Variants in BCKDHB observed in about 807,000 individuals in gnomAD.
BCKDHB encodes branched chain keto acid dehydrogenase E1 subunit beta, also known as 2-oxoisovalerate dehydrogenase subunit beta, mitochondrial.
Under a neutral mutation model 48.5 loss-of-function variants are expected in BCKDHB, and 41 were observed. That is an observed-to-expected ratio of 0.85 (90% confidence interval 0.66 to 1.10). The LOEUF (loss-of-function observed/expected upper bound fraction) is 1.10, where lower values mean the gene tolerates loss of function less well. Among genes scored for constraint, BCKDHB ranks in the 50% least tolerant of loss-of-function variants. The pLI, the probability that BCKDHB is intolerant of heterozygous loss-of-function variation, is 0.00. For synonymous variants in BCKDHB, 201 were observed against 174.8 expected, an observed-to-expected ratio of 1.15 and a Z score of -1.18; for missense variants, 496 against 494.2, an observed-to-expected ratio of 1.00 and a Z score of -0.03.
At chr6:80,338,800 A>C in intron 9 of BCKDHB, among the ~76,000 whole-genome samples, 1 of 152,220 alleles carries the variant, frequency 6.6e-6, no homozygotes, top group East Asian at 1.9e-4. Flanking sequence ...ATGCTACTGC[A>C]GAATCTAAGT....
chr6:80,190,769 T>A (rs1773855776), intron 6 of BCKDHB, among the ~76,000 whole-genome samples: 2 of 152,202 alleles, frequency 1.3e-5, no homozygotes, highest in African/African-American at 4.8e-5. Context: ...TCTTCTGTAA[T>A]TCATGGGTTG....
At chr6:80,197,308 G>T (rs919263520) in intron 6 of BCKDHB, among the ~76,000 whole-genome samples, 1 of 152,020 alleles carries the variant, frequency 6.6e-6, no homozygotes, top group Non-Finnish European at 1.5e-5. Context: ...TTAAATAAAT[G>T]GACATATTAA....
chr6:80,126,915 G>C (rs1770372225), intron 1 of BCKDHB, among the ~76,000 whole-genome samples: 1 of 152,116 alleles, frequency 6.6e-6, no homozygotes, highest in Non-Finnish European at 1.5e-5. Flanking sequence ...GTCAGGTACT[G>C]TTCTGAGTGT....
intron 6 of BCKDHB, among the ~76,000 whole-genome samples, chr6:80,190,146 T>C (rs1773825693): frequency 6.6e-6 from 1 of 152,124 alleles, no homozygotes; most frequent in South Asian, 2.1e-4. Context: ...TAAAGCTTGA[T>C]TCGTGTGTAA....
intron 8 of BCKDHB, among the ~76,000 whole-genome samples, chr6:80,256,871 T>C (rs949131342): frequency 2.0e-5 from 3 of 152,174 alleles, no homozygotes; most frequent in African/African-American, 7.2e-5. Context: ...TGGCAACATA[T>C]GGTTCAAAAC....
At chr6:80,143,090 C>G (rs189932472) in intron 3 of BCKDHB, among the ~76,000 whole-genome samples, 1 of 152,088 alleles carries the variant, frequency 6.6e-6, no homozygotes, top group Non-Finnish European at 1.5e-5. Context: ...TGGTCAATAT[C>G]TGGGGATGCT....
intron 8 of BCKDHB, among the ~76,000 whole-genome samples, chr6:80,268,923 C>G (rs1006572438): frequency 6.6e-6 from 1 of 152,066 alleles, no homozygotes; most frequent in Non-Finnish European, 1.5e-5. Flanking sequence ...GAACATGCTA[C>G]TTCATAATTA....
At chr6:80,212,061 A>G (rs181104578) in intron 8 of BCKDHB, among the ~76,000 whole-genome samples, 221 of 152,294 alleles carry the variant, frequency 1.5e-3, no homozygotes, top group Non-Finnish European at 2.4e-3. Context: ...AGGGTCCAAC[A>G]AAGATCACAA....
At chr6:80,320,043 A>G (rs1037769708) in intron 9 of BCKDHB, among the ~76,000 whole-genome samples, 1 of 152,186 alleles carries the variant, frequency 6.6e-6, no homozygotes, top group Non-Finnish European at 1.5e-5. Flanking sequence ...AGGAAATCTG[A>G]GTTATATGAA....
the BCKDHB span, among the ~76,000 whole-genome samples, chr6:80,381,690 A>C: frequency 6.6e-6 from 1 of 152,102 alleles, no homozygotes; most frequent in African/African-American, 2.4e-5. Flanking sequence ...TTTTAAAATA[A>C]ATTCTGCATT....
At chr6:80,429,367 G>T in the BCKDHB span, among the ~76,000 whole-genome samples, 1 of 152,070 alleles carries the variant, frequency 6.6e-6, no homozygotes, top group Non-Finnish European at 1.5e-5. Flanking sequence ...TGTTTTTTTG[G>T]TTCCATATGA....
rs920512530 is a variant in BCKDHB at position 80,315,598 on chromosome 6, G to GT, written c.1039-28054dup. 7.4e-3 allele frequency among the ~76,000 whole-genome samples: 1,068 copies of GT among 143,850 alleles called. 15 individuals carry two copies. The highest frequency in any genetic ancestry group is 0.024 in the African/African-American group (935 of 39,386). 94.4% of individuals were successfully genotyped at this position (143,850 alleles called of 152,430 possible). On this transcript the variant is annotated intron_variant, in intron 9 of 9. Coordinates refer to ENST00000320393, the MANE Select transcript of BCKDHB (RefSeq NM_183050.4). ...CCACCGTCTTGGCCCCCGATCCCTT[G>GT]TTTTTTTTTTTTAAGTTATTTATTT...
chr6:80,281,759 C>T (rs985727321), intron 9 of BCKDHB, among the ~76,000 whole-genome samples: 2 of 152,128 alleles, frequency 1.3e-5, no homozygotes, highest in African/African-American at 4.8e-5. Flanking sequence ...TCCCTGTCCT[C>T]ATTCTCTCCC....
chr6:80,358,239 ATTATTT>A, the BCKDHB span, among the ~76,000 whole-genome samples: 11 of 151,906 alleles, frequency 7.2e-5, no homozygotes, highest in Non-Finnish European at 1.6e-4. Flanking sequence ...GCATCCTCTT[ATTATTT>A]TAAGGATGCC....
At chr6:80,287,243 A>G (rs1345170672) in intron 9 of BCKDHB, among the ~76,000 whole-genome samples, 1 of 152,194 alleles carries the variant, frequency 6.6e-6, no homozygotes, top group African/African-American at 2.4e-5. Flanking sequence ...GGGACAACAG[A>G]CATAAAGTGA....
the BCKDHB span, chr6:80,374,220 A>T: frequency 1.4e-6 from 1 of 736,126 alleles, no homozygotes; most frequent in Non-Finnish European, 2.5e-6. Flanking sequence ...ATTCATTTGG[A>T]TATGCTCAAT....
At chr6:80,123,546 A>G (rs1410228018) in intron 1 of BCKDHB, among the ~76,000 whole-genome samples, 1 of 152,146 alleles carries the variant, frequency 6.6e-6, no homozygotes, top group African/African-American at 2.4e-5. Context: ...TTGGTAGGCT[A>G]TTAATTATTG....
chr6:80,207,963 C>T (rs1216574589), intron 8 of BCKDHB, among the ~76,000 whole-genome samples: 2 of 151,762 alleles, frequency 1.3e-5, no homozygotes, highest in Non-Finnish European at 3.0e-5. Flanking sequence ...ATCAAGCAGA[C>T]AAAATCTCGT....
chr6:80,303,394 A>G (rs1767685074), intron 9 of BCKDHB, among the ~76,000 whole-genome samples: 1 of 152,060 alleles, frequency 6.6e-6, no homozygotes, highest in Non-Finnish European at 1.5e-5. Flanking sequence ...GATGACAGAC[A>G]AAAGAACCTT....
Sources: allele counts gnomAD v4.1 joint callset (sites outside exome capture counted in the v4.1 genomes callset), GRCh38; gene constraint gnomAD v4.1.1; transcripts MANE v1.5; gene names NCBI Gene and HGNC (gene_info 2026-07-23, HGNC 2026-07-21).